Variants in STK3 observed in about 807,000 individuals in gnomAD.
The protein encoded by STK3 is serine/threonine kinase 3.
STK3 carries 41 observed loss-of-function variants against 58.0 expected under a neutral mutation model. The observed-to-expected ratio is 0.71, with a 90% CI of 0.55 to 0.92. The LOEUF is 0.92. STK3 is among the 40% of genes least tolerant of loss of function. STK3 has a pLI of 0.00. For synonymous variants in STK3, 170 were observed against 191.0 expected, an observed-to-expected ratio of 0.89 and a Z score of 0.91; for missense variants, 479 against 602.7, an observed-to-expected ratio of 0.79 and a Z score of 2.15.
intron 6 of STK3, among the ~76,000 whole-genome samples, chr8:98,648,090 G>T (rs1820543776): frequency 6.6e-6 from 1 of 151,924 alleles, no homozygotes; most frequent in Admixed American, 6.6e-5. Flanking sequence ...ACAACTCCAG[G>T]TGACCAGCAA....
chr8:98,575,398 G>A (rs778425857), intron 8 of STK3, among the ~76,000 whole-genome samples: 3 of 148,938 alleles, frequency 2.0e-5, no homozygotes, highest in Non-Finnish European at 4.4e-5. Context: ...CCATTTTAAA[G>A]TATACAAATC....
upstream of STK3, among the ~76,000 whole-genome samples, chr8:98,389,542 G>A (rs1255987840): frequency 6.6e-6 from 1 of 152,084 alleles, no homozygotes; most frequent in Non-Finnish European, 1.5e-5. Flanking sequence ...TTACAGGAAG[G>A]GCATGGGTGG....
At chr8:98,464,284 A>C (rs1237324181) in intron 10 of STK3, among the ~76,000 whole-genome samples, 2 of 152,132 alleles carry the variant, frequency 1.3e-5, no homozygotes, top group Non-Finnish European at 2.9e-5. Flanking sequence ...TGTGGCCTGG[A>C]GCAACATACT....
chr8:98,419,635 G>A (rs1818149213), intron 3 of STK3, among the ~76,000 whole-genome samples: 1 of 152,216 alleles, frequency 6.6e-6, no homozygotes. Context: ...GGATAGCAAT[G>A]AGGACTTTCC....
chr8:98,386,186 T>A (rs983709384), intron 1 of STK3, among the ~76,000 whole-genome samples: 1 of 152,180 alleles, frequency 6.6e-6, no homozygotes, highest in Non-Finnish European at 1.5e-5. Context: ...ATATATATAT[T>A]TGCCATTTGA....
intron 10 of STK3, among the ~76,000 whole-genome samples, chr8:98,507,306 C>T (rs1035692462): frequency 2.6e-5 from 4 of 152,178 alleles, no homozygotes; most frequent in African/African-American, 9.7e-5. Context: ...CCACAGTCTT[C>T]CCCAGTTCAG....
At chr8:98,723,107 CA>C (rs1364596728) in intron 4 of STK3, 1 of 226,178 alleles carries the variant, frequency 4.4e-6, no homozygotes, top group African/African-American at 2.4e-5. Flanking sequence ...GGTCACTATA[CA>C]AATGGTGCGA....
chr8:98,737,732 G>C (rs1325638271), intron 4 of STK3, among the ~76,000 whole-genome samples: 1 of 151,716 alleles, frequency 6.6e-6, no homozygotes, highest in African/African-American at 2.4e-5. Flanking sequence ...TTTTTAGATG[G>C]AGTTTCACTC....
chr8:98,752,988 G>A (rs1830074214), intron 3 of STK3, among the ~76,000 whole-genome samples: 1 of 150,112 alleles, frequency 6.7e-6, no homozygotes, highest in African/African-American at 2.4e-5. Context: ...TGAAGAAAAA[G>A]GAATGCTTAT....
intron 1 of STK3, among the ~76,000 whole-genome samples, chr8:98,934,736 T>C (rs972864664): frequency 6.6e-6 from 1 of 151,980 alleles, no homozygotes; most frequent in African/African-American, 2.4e-5. Context: ...GCCAACATGG[T>C]GAAACCCCGT....
At chr8:98,386,115 A>G (rs1400878000) in intron 1 of STK3, among the ~76,000 whole-genome samples, 5 of 152,222 alleles carry the variant, frequency 3.3e-5, no homozygotes, top group African/African-American at 9.6e-5. Flanking sequence ...GTATATTGCA[A>G]TTGGAAATGG....
intron 1 of STK3, among the ~76,000 whole-genome samples, chr8:98,903,559 T>TCTTCTTC (rs1234506460): frequency 1.6e-4 from 14 of 87,190 alleles, no homozygotes; most frequent in African/African-American, 6.0e-4. Context: ...TCTTCTTCCT[T>TCTTCTTC]TTTTTTTTTT....
In STK3 at chr8:98,740,686, C is replaced by G. The variant is rs188182316; in HGVS notation, c.351+8590G>C. On this transcript the variant is annotated intron_variant, in intron 4 of 10. Transcript: ENST00000419617. ...CGAGGCTAGGAAGAAACGGTATCAA[C>G]TAATGAGCAAAATAACCAGCTAACA... 9.8e-3 allele frequency among the ~76,000 whole-genome samples: 1,490 copies of G among 152,262 alleles called. 30 individuals are homozygous for G. Among genetic ancestry groups the G allele is most frequent in the South Asian group, 0.097 (465 of 4,816 alleles).
chr8:98,871,034 G>C (rs1335875318), intron 3 of STK3, among the ~76,000 whole-genome samples: 1 of 152,108 alleles, frequency 6.6e-6, no homozygotes, highest in Non-Finnish European at 1.5e-5. Context: ...GTTTAAGGAA[G>C]GGGATCCAGT....
intron 4 of STK3, among the ~76,000 whole-genome samples, chr8:98,731,328 T>C (rs979073380): frequency 2.6e-5 from 4 of 152,126 alleles, no homozygotes; most frequent in African/African-American, 9.7e-5. Flanking sequence ...AGTTGGCTCC[T>C]TGACCCCAGT....
chr8:98,656,031 C>T (rs1287608670), intron 6 of STK3, among the ~76,000 whole-genome samples: 2 of 140,720 alleles, frequency 1.4e-5, no homozygotes, highest in East Asian at 2.4e-4. Flanking sequence ...AAGACACATG[C>T]ACACGTATGT....
intron 7 of STK3, among the ~76,000 whole-genome samples, chr8:98,587,873 G>A (rs1408224263): frequency 3.3e-5 from 5 of 151,876 alleles, no homozygotes; most frequent in Non-Finnish European, 2.9e-5. Flanking sequence ...TGTCTCTTTT[G>A]ATCTTTGTTG....
chr8:98,468,778 C>A (rs1306026442), intron 10 of STK3, among the ~76,000 whole-genome samples: 2 of 152,180 alleles, frequency 1.3e-5, no homozygotes, highest in Non-Finnish European at 2.9e-5. Flanking sequence ...GTTATGTCAG[C>A]ATTTTAGACT....
intron 10 of STK3, among the ~76,000 whole-genome samples, chr8:98,471,466 G>T (rs1820914130): frequency 6.6e-6 from 1 of 151,016 alleles, no homozygotes; most frequent in African/African-American, 2.4e-5. Flanking sequence ...CAAACATCAT[G>T]GCTTAACCTA....
Sources: allele counts gnomAD v4.1 joint callset (sites outside exome capture counted in the v4.1 genomes callset), GRCh38; gene constraint gnomAD v4.1.1; transcripts MANE v1.5; gene names NCBI Gene and HGNC (gene_info 2026-07-23, HGNC 2026-07-21).